The following ADGRE1 variants were observed in gnomAD, a reference collection of about 807,000 sequenced individuals.
ADGRE1 encodes the protein EGF-like module receptor 1.
In ADGRE1, 82 loss-of-function variants were observed where a neutral mutation model predicts 102.7. The observed-to-expected ratio is 0.80, with a 90% CI of 0.67 to 0.96. The LOEUF (loss-of-function observed/expected upper bound fraction) is 0.96, where lower values mean the gene tolerates loss of function less well. Ranked by LOEUF, ADGRE1 falls within the 40% of genes least tolerant of loss-of-function variation. The pLI is 0.00. For missense variants in ADGRE1, 1,032 were observed against 1,085.3 expected, an observed-to-expected ratio of 0.95 and a Z score of 0.69; for synonymous variants, 398 against 399.6, an observed-to-expected ratio of 1.00 and a Z score of 0.05.
At chr19:6,913,604 C>A (rs1205774221) in intron 10 of ADGRE1, 49 bp from the exon 11 acceptor site, 2 of 1,490,382 alleles carry the variant, frequency 1.3e-6, no homozygotes, top group South Asian at 1.4e-5. Flanking sequence ...GCTGTTATTT[C>A]ATTAATGAGA....
chr19:6,931,948 TC>T (rs1433276403), intron 17 of ADGRE1, among the ~76,000 whole-genome samples: 6 of 104,206 alleles, frequency 5.8e-5, no homozygotes, highest in African/African-American at 3.5e-4. Context: ...CCTCTTAAGC[TC>T]GTTAAGAAAA....
chr19:6,913,562 C>T (rs1974275554), intron 10 of ADGRE1, 91 bp from the exon 11 acceptor site: 2 of 1,273,094 alleles, frequency 1.6e-6, no homozygotes, highest in South Asian at 3.7e-5. Flanking sequence ...TTTGGATGGA[C>T]TCCCAGCCTA....
At chr19:6,931,951 T>A (rs1376299323) in intron 17 of ADGRE1, among the ~76,000 whole-genome samples, 1 of 37,458 alleles carries the variant, frequency 2.7e-5, no homozygotes, top group Non-Finnish European at 5.1e-5. Context: ...CTTAAGCTCG[T>A]TAAGAAAATA....
At chr19:6,919,278 G>T (rs896849792) in intron 12 of ADGRE1, among the ~76,000 whole-genome samples, 2 of 151,270 alleles carry the variant, frequency 1.3e-5, no homozygotes, top group South Asian at 2.1e-4. Context: ...TGATCCACCC[G>T]CCTTGGTCTC....
intron 5 of ADGRE1, among the ~76,000 whole-genome samples, chr19:6,901,137 A>G (rs1249594486): frequency 6.6e-6 from 1 of 152,208 alleles, no homozygotes; most frequent in African/African-American, 2.4e-5. Context: ...GCATGACCAG[A>G]TGGTGCACAC....
In ADGRE1 at chr19:6,924,822, C is replaced by T. The variant is rs1281253413; in HGVS notation, c.1936C>T (p.Leu646Phe). ...YLHLHLCVCLLLAKTLFLAGI... is the reference protein window; with the variant it reads ...YLHLHLCVCLFLAKTLFLAGI... ...CCACCTGCACCTCTGCGTGTGTCTC[C>T]TCTTGGCGAAGACTCTCTTCCTCGC... Residue 646 changes from leucine to phenylalanine, a missense_variant, in exon 15 of 21, where the codon CTC becomes TTC. By Grantham distance (22) the Leu-to-Phe change is conservative. Coordinates refer to ENST00000312053, the MANE Select transcript of ADGRE1 (RefSeq NM_001974.5). 6.2e-7 allele frequency: 1 copy of T among 1,614,026 alleles called. No individual in the cohort carries two copies. The highest frequency in any genetic ancestry group is 8.5e-7 in the Non-Finnish European group (1 of 1,180,042).
At chr19:6,926,323 C>G in intron 15 of ADGRE1, 43 bp from the exon 16 acceptor site, 1 of 1,601,922 alleles carries the variant, frequency 6.2e-7, no homozygotes. Context: ...TTCGATTTCT[C>G]TCTGGGGTGG....
intron 20 of ADGRE1, among the ~76,000 whole-genome samples, chr19:6,939,087 C>G (rs112682145): frequency 1.3e-5 from 2 of 152,016 alleles, no homozygotes; most frequent in Non-Finnish European, 2.9e-5. Flanking sequence ...TGAGCCACCA[C>G]GCCCAGCTGG....
intron 2 of ADGRE1, among the ~76,000 whole-genome samples, chr19:6,893,400 C>T (rs1250057200): frequency 6.6e-6 from 1 of 152,074 alleles, no homozygotes; most frequent in Non-Finnish European, 1.5e-5. Flanking sequence ...GGGGCTTCTT[C>T]ATGTTGGTCA....
intron 12 of ADGRE1, among the ~76,000 whole-genome samples, chr19:6,918,177 C>T (rs531601560): frequency 5.3e-5 from 8 of 152,240 alleles, no homozygotes; most frequent in South Asian, 2.1e-4. Context: ...TGGTGGCTCA[C>T]GCCTGTAATC....
chr19:6,893,492 C>T (rs1285422255), intron 2 of ADGRE1, among the ~76,000 whole-genome samples: 5 of 152,214 alleles, frequency 3.3e-5, no homozygotes, highest in Admixed American at 1.3e-4. Context: ...TGAGCCATCA[C>T]GCCTGCCCGA....
At chr19:6,929,317 A>T (rs555893809) in intron 17 of ADGRE1, among the ~76,000 whole-genome samples, 12 of 152,184 alleles carry the variant, frequency 7.9e-5, no homozygotes, top group Non-Finnish European at 1.6e-4. Flanking sequence ...AACAGATTTT[A>T]GACTGGCTTG....
At chr19:6,917,162 AAAGTAGGTGAC>A (rs1974421183) in intron 12 of ADGRE1, among the ~76,000 whole-genome samples, 1 of 152,160 alleles carries the variant, frequency 6.6e-6, no homozygotes, top group African/African-American at 2.4e-5. Context: ...TTTATTTAAA[AAAGTAGGTGAC>A]AACCAGATTG....
rs531519166 is a variant in ADGRE1 at position 6,917,608 on chromosome 19, C to T, written c.1420+1240C>T. ...ATAAAGAATGAGCCTGGTGTGGTGGCGGGTGCCTGTAATCCCAGCTACTCA... is the reference window on the plus strand; with the variant it reads ...ATAAAGAATGAGCCTGGTGTGGTGGTGGGTGCCTGTAATCCCAGCTACTCA... On this transcript the variant is annotated intron_variant, in intron 12 of 20. Coordinates refer to ENST00000312053, the MANE Select transcript of ADGRE1 (RefSeq NM_001974.5). 4.6e-5 allele frequency among the ~76,000 whole-genome samples: 7 copies of T among 151,864 alleles called. No individual in the cohort carries two copies. The East Asian group carries it at 5.8e-4, about 13-fold the overall frequency.
chr19:6,924,040 A>T (rs1568357879), intron 14 of ADGRE1, among the ~76,000 whole-genome samples: 1 of 151,520 alleles, frequency 6.6e-6, no homozygotes, highest in South Asian at 2.1e-4. Context: ...GAATGTCTGC[A>T]TTATCAGTTG....
Position 6,901,907 on chromosome 19 carries a change from C to T in ADGRE1, c.547C>T (p.Pro183Ser). 4 of 1,614,156 alleles carry T rather than the reference C, an allele frequency of 2.5e-6. No homozygotes were observed. Among genetic ancestry groups the T allele is most frequent in the Non-Finnish European group, 3.4e-6 (4 of 1,180,008 alleles). ...TGAATGTGCAGATCCAAGAGCTTGC[C>T]CAGAGCATGCAACTTGTAATAACAC... ...VDECADPRAC[P>S]EHATCNNTVG... is the part of the protein sequence containing the mutation. The change falls in exon 6 of 21, where the codon CCA (proline) becomes TCA (serine). Residue 183 changes from proline to serine, a missense_variant. Pro to Ser is a moderately conservative substitution (Grantham distance 74, BLOSUM62 -1). Coordinates refer to ENST00000312053, the MANE Select transcript of ADGRE1 (RefSeq NM_001974.5).
chr19:6,922,015 G>C (rs1568356336), intron 14 of ADGRE1, 132 bp downstream of exon 14: 1 of 1,070,834 alleles, frequency 9.3e-7, no homozygotes, highest in Non-Finnish European at 1.3e-6. Flanking sequence ...GGGACAGAAG[G>C]GGTAGGTGAT....
At chr19:6,918,092 CTCCAGGT>C (rs1333528386) in intron 12 of ADGRE1, among the ~76,000 whole-genome samples, 1 of 152,134 alleles carries the variant, frequency 6.6e-6, no homozygotes, top group Non-Finnish European at 1.5e-5. Context: ...AAGGATGACT[CTCCAGGT>C]TCCAGATCAG....
intron 17 of ADGRE1, among the ~76,000 whole-genome samples, chr19:6,930,006 C>T (rs1016042421): frequency 2.0e-5 from 3 of 152,140 alleles, no homozygotes; most frequent in Non-Finnish European, 4.4e-5. Context: ...GCACAACTGC[C>T]AGCATTCACC....
Sources: allele counts gnomAD v4.1 joint callset (sites outside exome capture counted in the v4.1 genomes callset), GRCh38; gene constraint gnomAD v4.1.1; transcripts MANE v1.5; gene names NCBI Gene and HGNC (gene_info 2026-07-23, HGNC 2026-07-21).